The following CPB2 variants were observed in gnomAD, a reference collection of about 807,000 sequenced individuals.
CPB2 encodes carboxypeptidase B-like protein.
CPB2 carries 54 observed loss-of-function variants against 57.0 expected under a neutral mutation model. The observed-to-expected ratio is 0.95, with a 90% CI of 0.76 to 1.19. The LOEUF is 1.19. Among genes scored for constraint, CPB2 ranks in the 50% most tolerant of loss-of-function variants. CPB2 has a pLI of 0.00. For missense variants in CPB2, 426 were observed against 512.0 expected, an observed-to-expected ratio of 0.83 and a Z score of 1.62; for synonymous variants, 189 against 178.1, an observed-to-expected ratio of 1.06 and a Z score of -0.49.
chr13:46,053,548 C>G lies in CPB2; in HGVS notation c.*66G>C. ...GATAAAACTTAAAAATAATTTGATACAATGATTTGGTCTTGCTGGAATCAG... is the reference window on the plus strand; with the variant it reads ...GATAAAACTTAAAAATAATTTGATAGAATGATTTGGTCTTGCTGGAATCAG... On this transcript the variant is annotated 3_prime_UTR_variant, in exon 11 of 11. Coordinates refer to ENST00000181383, the MANE Select transcript of CPB2 (RefSeq NM_001872.5). The G allele has an allele frequency of 1.3e-6, 2 of 1,557,914 alleles. No individual in the cohort carries two copies. Among genetic ancestry groups the G allele is most frequent in the Non-Finnish European group, 1.7e-6 (2 of 1,150,270 alleles).
chr13:46,095,502 A>AT (rs915177629), intron 1 of CPB2, among the ~76,000 whole-genome samples: 26 of 152,152 alleles, frequency 1.7e-4, no homozygotes, highest in Admixed American at 4.6e-4. Flanking sequence ...CCAAGCAACA[A>AT]TCTCAATTGC....
At chr13:46,062,333 G>A (rs980067357) in intron 8 of CPB2, among the ~76,000 whole-genome samples, 1 of 152,130 alleles carries the variant, frequency 6.6e-6, no homozygotes, top group Admixed American at 6.5e-5. Flanking sequence ...TACTTGCTAC[G>A]TGCCCTTGAG....
At chr13:46,104,839 C>T in intron 1 of CPB2, 97 bp downstream of exon 1, 2 of 1,432,800 alleles carry the variant, frequency 1.4e-6, no homozygotes, top group South Asian at 1.2e-5. Context: ...TCAAAGTTTA[C>T]CATTTTGTCC....
intron 1 of CPB2, among the ~76,000 whole-genome samples, chr13:46,096,939 G>A (rs1172262292): frequency 6.6e-6 from 1 of 152,156 alleles, no homozygotes; most frequent in East Asian, 1.9e-4. Flanking sequence ...GAATATGCAG[G>A]AATTCATGGA....
chr13:46,066,962 C>T (rs1371526000), intron 7 of CPB2, among the ~76,000 whole-genome samples: 1 of 141,898 alleles, frequency 7.0e-6, no homozygotes, highest in African/African-American at 2.6e-5. Context: ...TTTCAGAGTT[C>T]TTTTTTTTTT....
rs68147896 is a variant in CPB2, at chr13:46,055,074, T to TA, written c.1087+687dup. ...CCTCTTTTTGTTTTTTTCTAATCAT[T>TA]AAAAAAAAAAAAAAAAGGAAAAACC... On this transcript the variant is annotated intron_variant, in intron 10 of 10. Transcript: ENST00000181383. Among the ~76,000 whole-genome samples, 194 of 142,360 alleles carry TA rather than the reference T, an allele frequency of 1.4e-3. 1 individual carries two copies. The highest frequency in any genetic ancestry group is 5.1e-3 in the Admixed American group (72 of 14,228). 93.4% of individuals were successfully genotyped at this position (142,360 alleles called of 152,430 possible). A position where few individuals can be genotyped will look rare whatever the true frequency, so the allele number is the denominator to read the frequency against.
At chr13:46,061,916 G>T (rs943558792) in intron 8 of CPB2, among the ~76,000 whole-genome samples, 1 of 152,096 alleles carries the variant, frequency 6.6e-6, no homozygotes, top group Non-Finnish European at 1.5e-5. Context: ...TAGTTGTAGG[G>T]ATGAGAAAAG....
At chr13:46,066,939 C>T (rs2044864447) in intron 7 of CPB2, among the ~76,000 whole-genome samples, 1 of 148,752 alleles carries the variant, frequency 6.7e-6, no homozygotes, top group Non-Finnish European at 1.5e-5. Context: ...TATAATTATA[C>T]TATAATTATT....
rs542442684 is a variant in CPB2, at chr13:46,058,365, A to C, written c.813T>G (p.Ser271Arg). The C allele has an allele frequency of 5.6e-5, 91 of 1,614,004 alleles. 3 individuals are homozygous for C. In the South Asian group the frequency reaches 9.4e-4, roughly 17 times the overall value. The change falls in exon 9 of 11, where the codon AGT (serine) becomes AGG (arginine). Residue 271 changes from serine (S) to arginine (R), a missense_variant. By Grantham distance (110) the Ser-to-Arg change is moderately radical (BLOSUM62 -1). Coordinates refer to ENST00000181383, the MANE Select transcript of CPB2 (RefSeq NM_001872.5). ...SKHWCEEGAS[S>R]SSCSETYCGL... is the part of the protein sequence containing the mutation. ...CACAGTAGGTTTCCGAGCATGAGGA[A>C]CTGGATGCACCTTCCTCTGTAACGA...
chr13:46,101,943 T>G (rs560631976), intron 1 of CPB2, among the ~76,000 whole-genome samples: 2 of 152,346 alleles, frequency 1.3e-5, no homozygotes, highest in South Asian at 4.1e-4. Flanking sequence ...TATTTTGAAT[T>G]TAAAAAGCTG....
chr13:46,059,985 C>T (rs1318728086), intron 8 of CPB2, among the ~76,000 whole-genome samples: 2 of 151,960 alleles, frequency 1.3e-5, no homozygotes, highest in Admixed American at 1.3e-4. Context: ...ATATTCCTGC[C>T]CTTTTATGTG....
chr13:46,055,901 A>G, intron 9 of CPB2, 52 bp from the exon 10 acceptor site: 1 of 1,062,232 alleles, frequency 9.4e-7, no homozygotes, highest in Non-Finnish European at 1.4e-6. Context: ...TTGAAACATG[A>G]CAAGTAGAAG....
At chr13:46,057,926 C>G (rs1438063310) in intron 9 of CPB2, among the ~76,000 whole-genome samples, 1 of 150,490 alleles carries the variant, frequency 6.6e-6, no homozygotes, top group Middle Eastern at 3.2e-3. Flanking sequence ...TCCTAACCTT[C>G]AAGGAATTTG....
chr13:46,073,843 A>G (rs1341170363), intron 6 of CPB2, 30 bp downstream of exon 6: 1 of 1,416,160 alleles, frequency 7.1e-7, no homozygotes, highest in East Asian at 2.4e-5. Flanking sequence ...CCATTTTGAG[A>G]AATAGGGTTA....
At chr13:46,101,214 G>A (rs1036248593) in intron 1 of CPB2, 2 of 152,088 alleles carry the variant, frequency 1.3e-5, no homozygotes, top group African/African-American at 4.8e-5. Flanking sequence ...AGCTGCTTCT[G>A]GACCTCATTT....
At chr13:46,078,018 C>G (rs1192404117) in intron 5 of CPB2, among the ~76,000 whole-genome samples, 1 of 151,808 alleles carries the variant, frequency 6.6e-6, no homozygotes, top group African/African-American at 2.4e-5. Context: ...AGTAGGGTGA[C>G]GAGAATCAAC....
intron 5 of CPB2, among the ~76,000 whole-genome samples, chr13:46,077,687 A>G (rs1371134728): frequency 3.6e-5 from 2 of 56,318 alleles, no homozygotes; most frequent in Non-Finnish European, 6.6e-5. Context: ...GTGTTCTTCA[A>G]CAGATGAATG....
At chr13:46,057,674 G>C (rs917782010) in intron 9 of CPB2, among the ~76,000 whole-genome samples, 5 of 152,168 alleles carry the variant, frequency 3.3e-5, no homozygotes, top group African/African-American at 1.2e-4. Flanking sequence ...CCAAAAAACA[G>C]ACTCTCTCCT....
chr13:46,079,157 T>C (rs2045068604), intron 4 of CPB2, among the ~76,000 whole-genome samples: 2 of 152,216 alleles, frequency 1.3e-5, no homozygotes, highest in African/African-American at 4.8e-5. Flanking sequence ...AAAGTTAATC[T>C]ATAAACTATG....
Sources: gnomAD v4.1 joint callset for allele counts (sites outside exome capture counted in the v4.1 genomes callset) on GRCh38, gnomAD v4.1.1 for gene constraint, MANE v1.5 for transcripts, NCBI Gene and HGNC (gene_info 2026-07-23, HGNC 2026-07-21) for gene names.